CGNL1: variants seen among roughly 807,000 people sequenced by gnomAD.
CGNL1 encodes the protein cingulin like 1.
A neutral mutation model predicts 141.2 loss-of-function variants in CGNL1; 132 were observed. The ratio of observed to expected loss-of-function variants is 0.93; its 90% CI spans 0.81 to 1.08. The LOEUF is 1.08. Among genes scored for constraint, CGNL1 ranks in the 50% least tolerant of loss-of-function variants. CGNL1 has a pLI of 0.00. For synonymous variants in CGNL1, 690 were observed against 622.1 expected, an observed-to-expected ratio of 1.11 and a Z score of -1.63; for missense variants, 1,870 against 1,588.6, an observed-to-expected ratio of 1.18 and a Z score of -3.01.
chr15:57,416,127 A>G (rs2062845735), intron 1 of CGNL1, among the ~76,000 whole-genome samples: 1 of 151,684 alleles, frequency 6.6e-6, no homozygotes, highest in Non-Finnish European at 1.5e-5. Context: ...AGGTACTTCC[A>G]CATTGCTGAT....
At chr15:57,501,069 A>G (rs2152388583) in intron 8 of CGNL1, among the ~76,000 whole-genome samples, 1 of 152,322 alleles carries the variant, frequency 6.6e-6, no homozygotes, top group East Asian at 1.9e-4. Flanking sequence ...CTAGACACAT[A>G]AAAACCTCTA....
chr15:57,378,329 T>A (rs1376868601), intron 1 of CGNL1, among the ~76,000 whole-genome samples: 2 of 149,956 alleles, frequency 1.3e-5, no homozygotes, highest in Admixed American at 6.7e-5. Flanking sequence ...AAATCAGTGG[T>A]TTTAAGTTTT....
At chr15:57,386,726 A>T (rs1273661133) in intron 1 of CGNL1, among the ~76,000 whole-genome samples, 1 of 152,108 alleles carries the variant, frequency 6.6e-6, no homozygotes, top group East Asian at 1.9e-4. Flanking sequence ...CCAGCTGAAG[A>T]TGGGTGCGAG....
chr15:57,535,846 G>A (rs1419302374), intron 14 of CGNL1, among the ~76,000 whole-genome samples: 2 of 152,226 alleles, frequency 1.3e-5, no homozygotes, highest in African/African-American at 4.8e-5. Context: ...TACCAGGGCA[G>A]AGGACAAGGA....
At chr15:57,440,152 A>T (rs1490737034) in intron 2 of CGNL1, among the ~76,000 whole-genome samples, 1 of 151,548 alleles carries the variant, frequency 6.6e-6, no homozygotes, top group East Asian at 1.9e-4. Flanking sequence ...ACTGTTTGTT[A>T]TATATTACAG....
At chr15:57,522,003 T>C (rs1269503907) in intron 10 of CGNL1, among the ~76,000 whole-genome samples, 1 of 152,168 alleles carries the variant, frequency 6.6e-6, no homozygotes, top group Non-Finnish European at 1.5e-5. Flanking sequence ...CTATAACTCC[T>C]CCTCACCCTT....
intron 8 of CGNL1, among the ~76,000 whole-genome samples, chr15:57,472,562 C>T (rs1457508576): frequency 2.6e-5 from 4 of 152,184 alleles, no homozygotes; most frequent in African/African-American, 9.7e-5. Context: ...TTCGTTCATG[C>T]TGACACTTAG....
intron 1 of CGNL1, among the ~76,000 whole-genome samples, chr15:57,384,385 A>G (rs2062459744): frequency 6.6e-6 from 1 of 152,232 alleles, no homozygotes; most frequent in Non-Finnish European, 1.5e-5. Context: ...AGGTGCTATC[A>G]TAAACCCATT....
chr15:57,464,679 C>CCTTTG (rs2063488332), intron 8 of CGNL1, among the ~76,000 whole-genome samples: 1 of 68,330 alleles, frequency 1.5e-5, no homozygotes, highest in African/African-American at 7.4e-5. Context: ...CTTTTCCTTT[C>CCTTTG]CTTTCCTTTC....
At chr15:57,397,285 G>T (rs2062613333) in intron 1 of CGNL1, among the ~76,000 whole-genome samples, 2 of 152,134 alleles carry the variant, frequency 1.3e-5, no homozygotes, top group South Asian at 4.2e-4. Context: ...AGCCAATGTT[G>T]CTATGAAGCA....
chr15:57,512,516 A>G (rs1204794168), intron 8 of CGNL1, among the ~76,000 whole-genome samples: 1 of 152,206 alleles, frequency 6.6e-6, no homozygotes, highest in Non-Finnish European at 1.5e-5. Flanking sequence ...AATAATCAAA[A>G]AAGGACTAAG....
In CGNL1 at chr15:57,386,546, G is replaced by A. The variant is rs528662358; in HGVS notation, c.-16+9979G>A. ...AGCAGGGTGTGTGATTCGGGAAGCA[G>A]TGTGGCCCAGTGGTTGACAGCATGA... is the stretch of plus-strand genomic sequence containing the variant. On this transcript the variant is annotated intron_variant, in intron 1 of 18. Coordinates refer to ENST00000281282, the MANE Select transcript of CGNL1 (RefSeq NM_032866.5). Among the ~76,000 whole-genome samples, 7 of 152,276 alleles carry A rather than the reference G, an allele frequency of 4.6e-5. No individual in the cohort carries two copies. In the East Asian group the frequency reaches 1.4e-3, roughly 29 times the overall value.
At chr15:57,463,781 A>G (rs2063475285) in intron 8 of CGNL1, among the ~76,000 whole-genome samples, 1 of 152,112 alleles carries the variant, frequency 6.6e-6, no homozygotes, top group African/African-American at 2.4e-5. Context: ...TGTCTTTCAG[A>G]CCTCTCACCT....
chr15:57,523,388 C>T (rs1204993249), intron 10 of CGNL1, 101 bp from the exon 11 acceptor site: 1 of 951,538 alleles, frequency 1.1e-6, no homozygotes, highest in East Asian at 2.5e-5. Flanking sequence ...TTTAACAGAT[C>T]TGATTGCTTT....
At chr15:57,521,525 G>A (rs1347761296) in intron 10 of CGNL1, among the ~76,000 whole-genome samples, 1 of 152,168 alleles carries the variant, frequency 6.6e-6, no homozygotes, top group African/African-American at 2.4e-5. Flanking sequence ...TAGACAGAAA[G>A]TCTCTCCCTT....
intron 7 of CGNL1, among the ~76,000 whole-genome samples, chr15:57,455,969 G>A (rs150524729): frequency 1.2e-4 from 19 of 152,304 alleles, no homozygotes; most frequent in African/African-American, 4.3e-4. Flanking sequence ...ATTTACTGCT[G>A]CCTTTCTGCA....
At chr15:57,435,141 C>T (rs972040612) in intron 1 of CGNL1, among the ~76,000 whole-genome samples, 1 of 151,968 alleles carries the variant, frequency 6.6e-6, no homozygotes, top group African/African-American at 2.4e-5. Flanking sequence ...AAACAGTAAT[C>T]GATCATTAAC....
intron 1 of CGNL1, among the ~76,000 whole-genome samples, chr15:57,436,759 T>C (rs2063110644): frequency 6.6e-6 from 1 of 152,046 alleles, no homozygotes; most frequent in African/African-American, 2.4e-5. Context: ...GCTTGATAAA[T>C]CCAGGAGCTA....
Position 57,438,330 on chromosome 15 carries a change from C to T in CGNL1, c.331C>T (p.Pro111Ser), listed in dbSNP as rs772505623. The T allele has an allele frequency of 1.9e-6, 3 of 1,614,012 alleles. No homozygotes were observed. Among genetic ancestry groups the T allele is most frequent in the Non-Finnish European group, 2.5e-6 (3 of 1,180,042 alleles). Residue 111 changes from proline (P) to serine (S), a missense_variant, in exon 2 of 19, where the codon CCT (proline) becomes TCT (serine). Coordinates refer to ENST00000281282, the MANE Select transcript of CGNL1 (RefSeq NM_032866.5). Reference sequence around the variant, plus strand: ...GCTTCCAGAAAACCCATACGCCCAGCCTAGCCCAATAAGAAACCTGAAACA... The same window carrying T: ...GCTTCCAGAAAACCCATACGCCCAGTCTAGCCCAATAAGAAACCTGAAACA... ...LQLPENPYAQ[P>S]SPIRNLKQPL...
Sources: gnomAD v4.1 joint callset for allele counts (sites outside exome capture counted in the v4.1 genomes callset) on GRCh38, gnomAD v4.1.1 for gene constraint, MANE v1.5 for transcripts, NCBI Gene and HGNC (gene_info 2026-07-23, HGNC 2026-07-21) for gene names.